WDR93: variants seen among roughly 807,000 people sequenced by gnomAD.
WDR93 encodes the protein WD repeat domain 93, also known as WD repeat-containing protein 93.
A neutral mutation model predicts 82.9 loss-of-function variants in WDR93; 73 were observed. The observed-to-expected ratio is 0.88, with a 90% CI of 0.73 to 1.07. WDR93 has a LOEUF of 1.07. Among genes scored for constraint, WDR93 ranks in the 50% least tolerant of loss-of-function variants. The pLI is 0.00. For missense variants in WDR93, 738 were observed against 826.0 expected, an observed-to-expected ratio of 0.89 and a Z score of 1.31; for synonymous variants, 283 against 300.1, an observed-to-expected ratio of 0.94 and a Z score of 0.59.
chr15:89,690,779 T>C (rs1964828153), upstream of WDR93: 1 of 567,934 alleles, frequency 1.8e-6, no homozygotes, highest in East Asian at 3.2e-5. Context: ...CGGGCACACT[T>C]TCTGTAGAGC....
chr15:89,733,328 G>A, intron 13 of WDR93, 109 bp downstream of exon 13: 13 of 1,002,904 alleles, frequency 1.3e-5, no homozygotes, highest in Non-Finnish European at 1.6e-5. Flanking sequence ...CTTTTGTATA[G>A]TCATCACTCT....
intron 11 of WDR93, 24 bp downstream of exon 11, chr15:89,729,793 T>G: frequency 6.3e-7 from 1 of 1,588,622 alleles, no homozygotes. Flanking sequence ...GAGATGGGAG[T>G]CGCCTAAGCT....
At position 89,701,991 on chromosome 15, in the gene WDR93, G is replaced by C. The variant is rs1965491038; in HGVS notation, c.245G>C (p.Arg82Thr). The change falls in exon 2 of 17, where the codon AGG becomes ACG. Residue 82 changes from arginine (R) to threonine (T), a missense_variant. Transcript: ENST00000268130. ...ATTATTGAAGAGAGAAACGCACTGA[G>C]GGAAGCTGAGAGCAGCCAGATCCAG... ...WEIIEERNALREAESSQIQPT... is the reference protein window; with the variant it reads ...WEIIEERNALTEAESSQIQPT... 6.2e-7 allele frequency: 1 copy of C among 1,613,176 alleles called. No homozygotes were observed. Among genetic ancestry groups the C allele is most frequent in the Non-Finnish European group, 8.5e-7 (1 of 1,180,014 alleles).
chr15:89,737,408 G>T (rs1034143561), intron 14 of WDR93, among the ~76,000 whole-genome samples, 165 bp from the exon 15 acceptor site: 1 of 152,218 alleles, frequency 6.6e-6, no homozygotes, highest in Non-Finnish European at 1.5e-5. Context: ...AAGCACACAT[G>T]TGTGTGCAGG....
chr15:89,739,115 CAA>C (rs763514909), intron 16 of WDR93, among the ~76,000 whole-genome samples: 2,398 of 127,092 alleles, frequency 0.019, 58 homozygotes, highest in African/African-American at 0.06. Flanking sequence ...GACCCTGCCT[CAA>C]AAAAAAAAAA....
chr15:89,712,299 A>G (rs936888484), intron 5 of WDR93, among the ~76,000 whole-genome samples, 195 bp downstream of exon 5: 1 of 150,070 alleles, frequency 6.7e-6, no homozygotes, highest in African/African-American at 2.5e-5. Context: ...GCCACACCAC[A>G]TTTGTCAAAA....
chr15:89,722,366 G>GAAAAA (rs1355189375), intron 8 of WDR93, among the ~76,000 whole-genome samples: 1 of 152,182 alleles, frequency 6.6e-6, no homozygotes, highest in Non-Finnish European at 1.5e-5. Context: ...AAGGTCAGGA[G>GAAAAA]AAAAAGATAT....
At chr15:89,702,183 G>A (rs111376833) in intron 2 of WDR93, 134 bp downstream of exon 2, 20 of 1,016,104 alleles carry the variant, frequency 2.0e-5, no homozygotes, top group African/African-American at 1.5e-4. Context: ...AAGATTAGAA[G>A]CATGCTGATG....
In WDR93 at chr15:89,737,688, T is replaced by C; in HGVS notation, c.1724T>C (p.Val575Ala). 6.2e-7 allele frequency: 1 copy of C among 1,614,172 alleles called. No homozygotes were observed. Among genetic ancestry groups the C allele is most frequent in the South Asian group, 1.1e-5 (1 of 91,080 alleles). Residue 575 changes from valine to alanine, a missense_variant, in exon 15 of 17, where the codon GTG (valine) becomes GCG (alanine). Coordinates refer to ENST00000268130, the MANE Select transcript of WDR93 (RefSeq NM_020212.2). ...CCTCTGGAGGTCCCCTGGAAGCCAG[T>C]GTTTGCTGTGTCTCCAGACCATCCA... Reference protein sequence around the residue: ...AFPLEVPWKPVFAVSPDHPCF... With the variant: ...AFPLEVPWKPAFAVSPDHPCF...
chr15:89,740,110 T>C (rs1236021194), intron 16 of WDR93, among the ~76,000 whole-genome samples: 1 of 152,140 alleles, frequency 6.6e-6, no homozygotes, highest in Non-Finnish European at 1.5e-5. Flanking sequence ...CTTAAGGTAT[T>C]AAGTGGGATG....
chr15:89,716,993 AT>A, intron 7 of WDR93, 44 bp downstream of exon 7: 2 of 1,054,844 alleles, frequency 1.9e-6, no homozygotes, highest in Non-Finnish European at 2.6e-6. Flanking sequence ...TTAAGTTTGT[AT>A]TTTAGAGATT....
intron 14 of WDR93, among the ~76,000 whole-genome samples, chr15:89,736,605 G>A (rs1252791775): frequency 6.6e-6 from 1 of 152,032 alleles, no homozygotes; most frequent in East Asian, 1.9e-4. Flanking sequence ...CAAGCAGAGA[G>A]GAGAGTCTAA....
chr15:89,731,919 A>C (rs550613622), intron 12 of WDR93, among the ~76,000 whole-genome samples: 3 of 152,168 alleles, frequency 2.0e-5, no homozygotes, highest in African/African-American at 7.2e-5. Context: ...CCAGCCCCCA[A>C]GCTCTCTAAA....
intron 10 of WDR93, among the ~76,000 whole-genome samples, chr15:89,729,460 T>C (rs1384325592): frequency 6.6e-6 from 1 of 152,138 alleles, no homozygotes; most frequent in Non-Finnish European, 1.5e-5. Context: ...CTGTCCTCCC[T>C]ATGCAAGAAG....
At chr15:89,734,799 A>G (rs1030701709) in intron 13 of WDR93, among the ~76,000 whole-genome samples, 3 of 152,180 alleles carry the variant, frequency 2.0e-5, no homozygotes, top group Non-Finnish European at 4.4e-5. Context: ...AGCCTGGGTA[A>G]CATAGTGAGA....
At chr15:89,718,463 TA>T (rs757527210) in intron 7 of WDR93, among the ~76,000 whole-genome samples, 527 of 133,072 alleles carry the variant, frequency 4.0e-3, no homozygotes, top group Middle Eastern at 7.9e-3. Flanking sequence ...GACAGCTGTC[TA>T]AAAAAAAAAA....
chr15:89,733,310 C>A, intron 13 of WDR93, 91 bp downstream of exon 13: 2 of 1,213,620 alleles, frequency 1.6e-6, no homozygotes, highest in Non-Finnish European at 1.2e-6. Flanking sequence ...TCTCTGACTA[C>A]AGTCCACCTT....
intron 5 of WDR93, among the ~76,000 whole-genome samples, chr15:89,713,121 T>G (rs1367883515): frequency 1.7e-5 from 2 of 114,718 alleles, no homozygotes; most frequent in Non-Finnish European, 3.4e-5. Context: ...CGAAACTCCA[T>G]CTTAAAAAAA....
chr15:89,739,060 G>A (rs536927900), intron 16 of WDR93, among the ~76,000 whole-genome samples: 26 of 151,332 alleles, frequency 1.7e-4, no homozygotes, highest in Non-Finnish European at 3.5e-4. Context: ...AGGATGCAGT[G>A]AGCCAAGATC....
Sources: allele counts gnomAD v4.1 joint callset (sites outside exome capture counted in the v4.1 genomes callset), GRCh38; gene constraint gnomAD v4.1.1; transcripts MANE v1.5; gene names NCBI Gene and HGNC (gene_info 2026-07-23, HGNC 2026-07-21).